The following SAP130 variants were observed in gnomAD, a reference collection of about 807,000 sequenced individuals.
SAP130 encodes Sin3A associated protein 130, also known as histone deacetylase complex subunit SAP130.
In SAP130, 16 loss-of-function variants were observed where a neutral mutation model predicts 103.2. The ratio of observed to expected loss-of-function variants is 0.16; its 90% CI spans 0.10 to 0.24. SAP130 has a LOEUF of 0.24. Among genes scored for constraint, SAP130 ranks in the 10% least tolerant of loss-of-function variants. The pLI, the probability that SAP130 is intolerant of heterozygous loss-of-function variation, is 1.00. For synonymous variants in SAP130, 477 were observed against 497.0 expected, an observed-to-expected ratio of 0.96 and a Z score of 0.53; for missense variants, 990 against 1,359.7, an observed-to-expected ratio of 0.73 and a Z score of 4.28.
At position 127,943,692 on chromosome 2, in the gene SAP130, A is replaced by T. The variant is rs548548412; in HGVS notation, c.2902-1155T>A. Among the ~76,000 whole-genome samples, 8 of 152,364 alleles carry T rather than the reference A, an allele frequency of 5.3e-5. No homozygotes were observed. The South Asian group carries it at 6.2e-4, about 12-fold the overall frequency. On this transcript the variant is annotated intron_variant, in intron 19 of 20. Coordinates refer to ENST00000643581, the MANE Select transcript of SAP130 (RefSeq NM_001330301.2). ...AGATTAAAAATGGTAAAGAGCACTTACATGAATGCAGTCTACCAGGACTGT... is the reference window on the plus strand; with the variant it reads ...AGATTAAAAATGGTAAAGAGCACTTTCATGAATGCAGTCTACCAGGACTGT...
rs369165166 is a variant in SAP130 at position 127,993,178 on chromosome 2, G to C, written c.1477+9C>G. 22 of 1,613,450 alleles carry C rather than the reference G, an allele frequency of 1.4e-5. No individual in the cohort carries two copies. In the African/African-American group the frequency reaches 2.7e-4, roughly 20 times the overall value. ...CTGTGAAAAGTCATCTAAAAAGCAG[G>C]GCTCATACCTGGATACTGTCGGATA... is the stretch of plus-strand genomic sequence containing the variant. On this transcript the variant is annotated intron_variant, in intron 12 of 20. Coordinates refer to ENST00000643581, the MANE Select transcript of SAP130 (RefSeq NM_001330301.2).
intron 10 of SAP130, 107 bp downstream of exon 10, chr2:127,999,634 G>T: frequency 1.9e-6 from 1 of 534,532 alleles, no homozygotes; most frequent in Non-Finnish European, 3.2e-6. Flanking sequence ...AAAAAAAGAG[G>T]AAATCAACAA....
chr2:127,954,624 A>T (rs1473795316), intron 16 of SAP130, among the ~76,000 whole-genome samples: 2 of 152,200 alleles, frequency 1.3e-5, no homozygotes, highest in Non-Finnish European at 2.9e-5. Context: ...AACTTGGAAT[A>T]AATAGTACTA....
intron 2 of SAP130, among the ~76,000 whole-genome samples, chr2:128,021,477 G>A (rs1226988484): frequency 2.0e-5 from 3 of 151,458 alleles, no homozygotes; most frequent in African/African-American, 4.8e-5. Context: ...AAACAGAGAG[G>A]AAAGAAAAGA....
At chr2:127,950,031 T>C (rs1036770497) in intron 17 of SAP130, 37 bp from the exon 18 acceptor site, 3 of 1,611,812 alleles carry the variant, frequency 1.9e-6, no homozygotes, top group South Asian at 1.1e-5. Flanking sequence ...TTAGTAACAC[T>C]GTCAACAATC....
intron 11 of SAP130, among the ~76,000 whole-genome samples, chr2:127,993,995 T>C (rs1013566451): frequency 6.6e-6 from 1 of 152,070 alleles, no homozygotes; most frequent in Non-Finnish European, 1.5e-5. Flanking sequence ...AGAAAGATTA[T>C]AAACAAATCT....
rs143284239 is a variant in SAP130, at chr2:127,947,570, A to G, written c.2798-2011T>C. Among the ~76,000 whole-genome samples, 28 of 152,322 alleles carry G rather than the reference A, an allele frequency of 1.8e-4. No homozygotes were observed. The Middle Eastern group carries it at 0.01, about 56-fold the overall frequency. On this transcript the variant is annotated intron_variant, in intron 18 of 20. Transcript: ENST00000643581. ...AAATAAATTTGGAATGTCCTTGCCT[A>G]TATTTTAAAAGACACTGCAGAGAAA...
chr2:128,003,924 G>T (rs922307889), intron 7 of SAP130, among the ~76,000 whole-genome samples: 2 of 137,166 alleles, frequency 1.5e-5, no homozygotes, highest in African/African-American at 5.4e-5. Flanking sequence ...TTGGTTTAGG[G>T]ATACCCAACT....
rs1024288291 is a variant in SAP130 at position 127,974,836 on chromosome 2, T to C, written c.2063+3149A>G. 2.2e-4 allele frequency among the ~76,000 whole-genome samples: 33 copies of C among 152,066 alleles called. 1 individual carries two copies. The highest frequency in any genetic ancestry group is 1.8e-3 in the Admixed American group (28 of 15,256). On this transcript the variant is annotated intron_variant, in intron 15 of 20. Transcript: ENST00000643581. ...CTCAAAAATAAATAAAGATTATAAT[T>C]TCTATGTTTAGATACACAAATATGT...
chr2:127,990,033 G>A lies in SAP130; in HGVS notation c.1478-167C>T, dbSNP rs555449739. Among the ~76,000 whole-genome samples, 62 of 152,104 alleles carry A rather than the reference G, an allele frequency of 4.1e-4. 1 individual carries two copies. The highest frequency in any genetic ancestry group is 4.3e-4 in the Non-Finnish European group (29 of 68,006). Reference sequence around the variant, plus strand: ...TTGTTACTTGAAACTTACTATACTTGGGATTGTTATTTCCTTTCACTTCCT... The same window carrying A: ...TTGTTACTTGAAACTTACTATACTTAGGATTGTTATTTCCTTTCACTTCCT... On this transcript the variant is annotated intron_variant, in intron 12 of 20. Coordinates refer to ENST00000643581, the MANE Select transcript of SAP130 (RefSeq NM_001330301.2).
chr2:127,977,915 T>C (rs1331715289), intron 15 of SAP130, 70 bp downstream of exon 15: 4 of 1,143,412 alleles, frequency 3.5e-6, no homozygotes, highest in Admixed American at 4.0e-5. Flanking sequence ...CATGCAGGAA[T>C]ATTAGACTCT....
In SAP130 at chr2:128,026,216, C is replaced by T; in HGVS notation, c.77G>A (p.Ser26Asn). 1 of 1,614,070 alleles carries T rather than the reference C, an allele frequency of 6.2e-7. No individual in the cohort carries two copies. Among genetic ancestry groups the T allele is most frequent in the South Asian group, 1.1e-5 (1 of 91,078 alleles). The change falls in exon 2 of 21, where the codon AGT becomes AAT. Residue 26 changes from serine to asparagine, a missense_variant. This residue lies in a region of SAP130 where 167 missense variants were observed against 187.4 expected (regional missense o/e 0.89). Transcript: ENST00000643581. The part of the protein sequence containing the change: ...LSQAPSQIAN[S>N]GSAGLINPAA... ...TGGGTTTATCAATCCAGCAGAACCA[C>T]TGTTTGCAATCTGAGAAGGGGCCTG... is the stretch of plus-strand genomic sequence containing the variant.
At chr2:127,960,099 A>C (rs1403194285) in intron 15 of SAP130, among the ~76,000 whole-genome samples, 1 of 152,226 alleles carries the variant, frequency 6.6e-6, no homozygotes, top group Non-Finnish European at 1.5e-5. Context: ...TTATTAGCCT[A>C]ATCTGAACAA....
At chr2:128,008,827 A>G (rs1446710596) in intron 7 of SAP130, among the ~76,000 whole-genome samples, 2 of 151,726 alleles carry the variant, frequency 1.3e-5, no homozygotes, top group African/African-American at 2.4e-5. Context: ...CTGGGACCAT[A>G]GGTACACACC....
intron 15 of SAP130, among the ~76,000 whole-genome samples, 182 bp downstream of exon 15, chr2:127,977,803 G>A (rs1459864555): frequency 1.3e-5 from 2 of 151,938 alleles, no homozygotes; most frequent in African/African-American, 4.8e-5. Flanking sequence ...GATCACTTGA[G>A]CCCAGGAGTT....
chr2:127,950,073 A>G, intron 17 of SAP130, 79 bp from the exon 18 acceptor site: 1 of 1,607,734 alleles, frequency 6.2e-7, no homozygotes, highest in East Asian at 2.2e-5. Flanking sequence ...GTGAGGTACG[A>G]GTGAGGCTGA....
intron 7 of SAP130, among the ~76,000 whole-genome samples, chr2:128,007,076 ATGGAAAAG>A (rs1372457223): frequency 6.6e-6 from 1 of 152,246 alleles, no homozygotes; most frequent in African/African-American, 2.4e-5. Flanking sequence ...AATCAACACA[ATGGAAAAG>A]ATACTTTGAC....
intron 7 of SAP130, among the ~76,000 whole-genome samples, chr2:128,007,663 C>G (rs1279878157): frequency 2.0e-5 from 3 of 152,210 alleles, no homozygotes; most frequent in African/African-American, 7.2e-5. Context: ...AACAAAGGAT[C>G]AGGGGAGTTG....
intron 2 of SAP130, among the ~76,000 whole-genome samples, chr2:128,018,483 C>CAAAAAAAAAAAA (rs759445928): frequency 2.9e-5 from 2 of 69,478 alleles, no homozygotes; most frequent in African/African-American, 6.5e-5. Context: ...AGATTGTCTC[C>CAAAAAAAAAAAA]AAAAAAAAAA....
Sources: allele counts gnomAD v4.1 joint callset (sites outside exome capture counted in the v4.1 genomes callset), GRCh38; gene constraint gnomAD v4.1.1; regional missense constraint gnomAD v4.1.1; transcripts MANE v1.5; gene names NCBI Gene and HGNC (gene_info 2026-07-23, HGNC 2026-07-21).